Variants in GRID2 observed in about 807,000 individuals in gnomAD.
The protein encoded by GRID2 is glutamate ionotropic receptor delta type subunit 2.
A neutral mutation model predicts 114.8 loss-of-function variants in GRID2; 33 were observed. That is an observed-to-expected ratio of 0.29 (90% confidence interval 0.22 to 0.38). The LOEUF (loss-of-function observed/expected upper bound fraction) is 0.38, where lower values mean the gene tolerates loss of function less well. GRID2 is among the 10% of genes least tolerant of loss of function. The pLI, the probability that GRID2 is intolerant of heterozygous loss-of-function variation, is 1.00. For synonymous variants in GRID2, 505 were observed against 449.9 expected (o/e 1.12, Z -1.55); for missense variants, 1,184 against 1,257.7 (o/e 0.94, Z 0.89).
At chr4:92,925,955 TA>T (rs937239840) in intron 2 of GRID2, among the ~76,000 whole-genome samples, 11 of 152,042 alleles carry the variant, frequency 7.2e-5, no homozygotes, top group Admixed American at 5.3e-4. Flanking sequence ...TGTGTTTTTG[TA>T]GTCACTACTT....
At position 92,742,715 on chromosome 4, in the gene GRID2, A is replaced by T. The variant is rs890166025; in HGVS notation, c.244+152429A>T. Among the ~76,000 whole-genome samples the T allele has an allele frequency of 3.9e-5, 6 of 152,176 alleles. 1 individual carries two copies. Among genetic ancestry groups the T allele is most frequent in the African/African-American group, 7.2e-5 (3 of 41,442 alleles). ...AGGGCTCATCTTTGTTTTTGGATAT[A>T]ACTGAATACTCAGCCACCTGAGGAA... On this transcript the variant is annotated intron_variant, in intron 2 of 15. Coordinates refer to ENST00000282020, the MANE Select transcript of GRID2 (RefSeq NM_001510.4).
rs891580599 is a variant in GRID2 at position 93,145,474 on chromosome 4, T to TA, written c.735+34521_735+34522insA. On this transcript the variant is annotated intron_variant, in intron 4 of 15. Coordinates refer to ENST00000282020, the MANE Select transcript of GRID2 (RefSeq NM_001510.4). Reference sequence around the variant, plus strand: ...ATTTGTATTTATTTATTTATTTATTTTTTTTTGAGACAGTTTCACTCTTGT... The same window carrying TA: ...ATTTGTATTTATTTATTTATTTATTTATTTTTTGAGACAGTTTCACTCTTGT... Among the ~76,000 whole-genome samples, 47 of 96,290 alleles carry TA rather than the reference T, an allele frequency of 4.9e-4. 1 individual carries two copies. The highest frequency in any genetic ancestry group is 1.4e-3 in the African/African-American group (25 of 18,170). The allele number at this position is 96,290 out of a possible 152,430, so 63.2% of individuals were successfully genotyped here.
At chr4:93,266,479 CAT>C (rs1041815749) in intron 8 of GRID2, among the ~76,000 whole-genome samples, 1 of 152,120 alleles carries the variant, frequency 6.6e-6, no homozygotes, top group Non-Finnish European at 1.5e-5. Context: ...CCCACACACA[CAT>C]ACACACACAG....
At chr4:92,310,118 A>C (rs1306584458) in intron 1 of GRID2, among the ~76,000 whole-genome samples, 1 of 152,014 alleles carries the variant, frequency 6.6e-6, no homozygotes, top group Admixed American at 6.5e-5. Context: ...CATTGTATCG[A>C]TTCCTTGCAT....
At chr4:93,245,713 A>C (rs1282401040) in intron 8 of GRID2, among the ~76,000 whole-genome samples, 1 of 152,166 alleles carries the variant, frequency 6.6e-6, no homozygotes, top group African/African-American at 2.4e-5. Context: ...TGATCTTTGG[A>C]CTTCAAAGCA....
intron 8 of GRID2, among the ~76,000 whole-genome samples, chr4:93,370,414 AACAC>A (rs143831112): frequency 1.8e-4 from 26 of 145,148 alleles, no homozygotes; most frequent in African/African-American, 6.1e-4. Context: ...CACACACACA[AACAC>A]ACACAAACAC....
intron 8 of GRID2, among the ~76,000 whole-genome samples, chr4:93,278,593 C>G (rs1425129633): frequency 6.6e-6 from 1 of 151,802 alleles, no homozygotes; most frequent in Admixed American, 6.6e-5. Context: ...ATGAAGGATG[C>G]AATTCATTCA....
intron 2 of GRID2, among the ~76,000 whole-genome samples, chr4:92,688,037 C>CT (rs760605020): frequency 0.021 from 955 of 44,660 alleles, 138 homozygotes; most frequent in Non-Finnish European, 0.023. Context: ...CCTTCTTCTT[C>CT]TTTTTTTTTT....
chr4:92,707,099 T>C (rs189441823), intron 2 of GRID2, among the ~76,000 whole-genome samples: 17 of 152,316 alleles, frequency 1.1e-4, no homozygotes, highest in East Asian at 9.6e-4. Flanking sequence ...GGGAGTTATA[T>C]TGATTTTTTA....
intron 14 of GRID2, among the ~76,000 whole-genome samples, chr4:93,654,781 A>G (rs911388320): frequency 5.9e-5 from 9 of 152,172 alleles, no homozygotes; most frequent in African/African-American, 2.2e-4. Context: ...AGAAAATTCC[A>G]CTGCCCCAGT....
chr4:93,410,995 A>G (rs573789499), intron 9 of GRID2, among the ~76,000 whole-genome samples: 138 of 152,266 alleles, frequency 9.1e-4, no homozygotes, highest in African/African-American at 3.2e-3. Flanking sequence ...TTATAAACAA[A>G]TTTTTATTTC....
At chr4:92,810,506 A>AG in intron 2 of GRID2, among the ~76,000 whole-genome samples, 1 of 152,078 alleles carries the variant, frequency 6.6e-6, no homozygotes, top group East Asian at 1.9e-4. Flanking sequence ...AAGAATAAAA[A>AG]GAAGTGTCAA....
At chr4:92,797,469 A>G (rs996076974) in intron 2 of GRID2, among the ~76,000 whole-genome samples, 1 of 151,952 alleles carries the variant, frequency 6.6e-6, no homozygotes, top group Non-Finnish European at 1.5e-5. Context: ...ATTTGTTTAC[A>G]TTTCTTTGGA....
intron 4 of GRID2, among the ~76,000 whole-genome samples, chr4:93,173,530 TTGA>T (rs1422738423): frequency 1.3e-5 from 2 of 152,210 alleles, no homozygotes; most frequent in African/African-American, 4.8e-5. Flanking sequence ...AAGCTTGGAA[TTGA>T]TGATAAAATA....
chr4:93,425,609 T>C (rs1321293196), intron 10 of GRID2, among the ~76,000 whole-genome samples: 1 of 152,206 alleles, frequency 6.6e-6, no homozygotes, highest in African/African-American at 2.4e-5. Flanking sequence ...CTCCCATATA[T>C]GTGCAGTTTA....
Position 92,737,605 on chromosome 4 carries a change from C to A in GRID2, c.244+147319C>A, listed in dbSNP as rs904444736. Among the ~76,000 whole-genome samples, 10 of 152,212 alleles carry A rather than the reference C, an allele frequency of 6.6e-5. No homozygotes were observed. In the East Asian group the frequency reaches 1.7e-3, roughly 26 times the overall value. The stretch of plus-strand genomic sequence containing the variant: ...GTTTATATCACCTTCTATTTACCAA[C>A]CTTCCTCTGTTGCATATTCAATTAG... On this transcript the variant is annotated intron_variant, in intron 2 of 15. Transcript: ENST00000282020.
At position 92,477,038 on chromosome 4, in the gene GRID2, CAT is replaced by C. The variant is rs1491479939; in HGVS notation, c.89-113092_89-113091del. ...ATGGCTAAACTATTTGATTTAACTT[CAT>C]GTGTGTGTGTGTGTGTGTGTGTGTG... On this transcript the variant is annotated intron_variant, in intron 1 of 15. Coordinates refer to ENST00000282020, the MANE Select transcript of GRID2 (RefSeq NM_001510.4). Among the ~76,000 whole-genome samples the C allele has an allele frequency of 7.2e-4, 75 of 104,878 alleles. 1 individual carries two copies. Among genetic ancestry groups the C allele is most frequent in the African/African-American group, 1.3e-3 (39 of 29,950 alleles). 68.8% of individuals were successfully genotyped at this position (104,878 alleles called of 152,430 possible).
intron 11 of GRID2, among the ~76,000 whole-genome samples, chr4:93,465,614 C>T (rs568649337): frequency 8.5e-5 from 13 of 152,224 alleles, no homozygotes; most frequent in African/African-American, 2.2e-4. Flanking sequence ...GACACAAAGT[C>T]GGCACAGAAC....
chr4:92,447,505 A>ACAGTTCTAT (rs2149075140), intron 1 of GRID2, among the ~76,000 whole-genome samples: 2 of 152,312 alleles, frequency 1.3e-5, no homozygotes, highest in South Asian at 4.1e-4. Flanking sequence ...ACCAGCCCAC[A>ACAGTTCTAT]CAGTTCTATT....
Sources: gnomAD v4.1 joint callset for allele counts (sites outside exome capture counted in the v4.1 genomes callset) on GRCh38, gnomAD v4.1.1 for gene constraint, MANE v1.5 for transcripts, NCBI Gene and HGNC (gene_info 2026-07-23, HGNC 2026-07-21) for gene names.